The following MACROD2 variants were observed in gnomAD, a reference collection of about 807,000 sequenced individuals.
MACROD2 encodes mono-ADP ribosylhydrolase 2, also known as ADP-ribose glycohydrolase MACROD2.
MACROD2 carries 36 observed loss-of-function variants against 70.4 expected under a neutral mutation model. The observed-to-expected ratio is 0.51, with a 90% confidence interval of 0.39 to 0.68. The LOEUF is 0.68. MACROD2 is among the 30% of genes least tolerant of loss of function. MACROD2 has a pLI of 0.00. For synonymous variants in MACROD2, 172 were observed against 178.8 expected (o/e 0.96, Z 0.30); for missense variants, 496 against 538.4 (o/e 0.92, Z 0.78).
At chr20:14,372,863 G>A (rs1568582494) in intron 3 of MACROD2, among the ~76,000 whole-genome samples, 1 of 152,168 alleles carries the variant, frequency 6.6e-6, no homozygotes, top group Non-Finnish European at 1.5e-5. Context: ...TCTGTTTGCT[G>A]TGTCTTCTTT....
At chr20:14,436,911 T>C (rs1388048447) in intron 3 of MACROD2, among the ~76,000 whole-genome samples, 1 of 152,202 alleles carries the variant, frequency 6.6e-6, no homozygotes, top group African/African-American at 2.4e-5. Flanking sequence ...TAGATCTTAG[T>C]CATTAACTTT....
At chr20:14,792,143 G>A (rs2327889) in intron 5 of MACROD2, among the ~76,000 whole-genome samples, 10,757 of 151,698 alleles carry the variant, frequency 0.071, 497 homozygotes, top group African/African-American at 0.12. Context: ...ATTTAACTTA[G>A]CGAACTGTTT....
intron 3 of MACROD2, among the ~76,000 whole-genome samples, chr20:14,375,151 T>A (rs1166088092): frequency 1.3e-5 from 2 of 152,042 alleles, no homozygotes; most frequent in Non-Finnish European, 2.9e-5. Context: ...CTAGAAAAAT[T>A]CAAATGTTAT....
At chr20:15,601,594 C>T (rs774851257) in intron 8 of MACROD2, among the ~76,000 whole-genome samples, 1 of 152,176 alleles carries the variant, frequency 6.6e-6, no homozygotes, top group Non-Finnish European at 1.5e-5. Context: ...ATCCAGTGAT[C>T]GGTGATCACC....
intron 2 of MACROD2, among the ~76,000 whole-genome samples, chr20:14,072,912 C>T (rs1433428294): frequency 3.5e-5 from 5 of 143,054 alleles, no homozygotes; most frequent in East Asian, 4.1e-4. Flanking sequence ...CCAGCCTGGG[C>T]GACAGAGCGA....
At chr20:14,136,012 A>G (rs1312938403) in intron 3 of MACROD2, among the ~76,000 whole-genome samples, 1 of 152,216 alleles carries the variant, frequency 6.6e-6, no homozygotes, top group East Asian at 1.9e-4. Context: ...AAAAATAAAT[A>G]AAAGGCAGAA....
intron 8 of MACROD2, among the ~76,000 whole-genome samples, chr20:15,676,206 T>C (rs2050055031): frequency 6.6e-6 from 1 of 152,250 alleles, no homozygotes. Flanking sequence ...CTGCATCTTA[T>C]GTGCCTCCAT....
At chr20:14,013,037 G>T (rs992281214) in intron 2 of MACROD2, among the ~76,000 whole-genome samples, 15 of 151,936 alleles carry the variant, frequency 9.9e-5, no homozygotes, top group African/African-American at 3.6e-4. Flanking sequence ...AATAGATTTG[G>T]GTATATTTTA....
At chr20:15,546,978 T>C (rs1018102124) in intron 8 of MACROD2, among the ~76,000 whole-genome samples, 5 of 152,158 alleles carry the variant, frequency 3.3e-5, no homozygotes, top group African/African-American at 1.2e-4. Flanking sequence ...CCATCTCCTT[T>C]AATTAGCAAG....
intron 8 of MACROD2, among the ~76,000 whole-genome samples, chr20:15,814,382 C>T (rs2063851514): frequency 6.6e-6 from 1 of 152,222 alleles, no homozygotes; most frequent in South Asian, 2.1e-4. Flanking sequence ...TATCAATACC[C>T]CAGCTCCCCT....
chr20:14,104,791 A>T (rs552025344), intron 3 of MACROD2, among the ~76,000 whole-genome samples: 18 of 152,268 alleles, frequency 1.2e-4, no homozygotes, highest in African/African-American at 4.3e-4. Flanking sequence ...GAGACTGTAG[A>T]AGAGGGAACC....
At chr20:14,454,492 C>G (rs952315221) in intron 3 of MACROD2, among the ~76,000 whole-genome samples, 2 of 151,474 alleles carry the variant, frequency 1.3e-5, no homozygotes, top group Non-Finnish European at 2.9e-5. Context: ...TTAACAGTGA[C>G]TTACACAAGA....
rs143783080 is a variant in MACROD2 at position 14,563,357 on chromosome 20, C to T, written c.301+69849C>T. Among the ~76,000 whole-genome samples the T allele has an allele frequency of 3.9e-5, 6 of 151,912 alleles. No individual in the cohort carries two copies. In the East Asian group the frequency reaches 7.8e-4, roughly 20 times the overall value. ...AAGGGAATGGAATTTATTTTTAGAT[C>T]TAGAAAAATGTCTTCATTATTTTAA... On this transcript the variant is annotated intron_variant, in intron 4 of 17. Transcript: ENST00000684519.
Position 15,402,448 on chromosome 20 carries a change from C to T in MACROD2, c.541-28957C>T, listed in dbSNP as rs140411615. ...TAAATAATAAAATTGTGAAAAATTT[C>T]TCTACTAATGCTCTGGGAATGTCTT... On this transcript the variant is annotated intron_variant, in intron 6 of 17. Coordinates refer to ENST00000684519, the MANE Select transcript of MACROD2 (RefSeq NM_001351661.2). Among the ~76,000 whole-genome samples, 1,017 of 152,248 alleles carry T rather than the reference C, an allele frequency of 6.7e-3. 8 individuals carry two copies. Among genetic ancestry groups the T allele is most frequent in the South Asian group, 0.051 (248 of 4,824 alleles).
intron 5 of MACROD2, among the ~76,000 whole-genome samples, chr20:14,697,909 C>A (rs2123626604): frequency 6.6e-6 from 1 of 152,262 alleles, no homozygotes; most frequent in East Asian, 1.9e-4. Context: ...GGATTTTTAC[C>A]CTGTTGTTTA....
chr20:14,389,887 T>G (rs1028733833), intron 3 of MACROD2, among the ~76,000 whole-genome samples: 1 of 152,184 alleles, frequency 6.6e-6, no homozygotes, highest in Non-Finnish European at 1.5e-5. Flanking sequence ...AACATAGTAC[T>G]GGAAGTCCTG....
chr20:15,959,865 C>A (rs548147785), intron 12 of MACROD2, among the ~76,000 whole-genome samples: 74 of 151,632 alleles, frequency 4.9e-4, no homozygotes, highest in African/African-American at 1.7e-3. Flanking sequence ...TAAAAAAAAA[C>A]ACTTTAGAAA....
chr20:15,313,970 A>T (rs1311555849), intron 6 of MACROD2, among the ~76,000 whole-genome samples: 1 of 152,110 alleles, frequency 6.6e-6, no homozygotes, highest in Non-Finnish European at 1.5e-5. Context: ...GTCTAATGAG[A>T]TGATATTTGT....
chr20:14,779,289 CTG>C (rs1303183159), intron 5 of MACROD2, among the ~76,000 whole-genome samples: 2 of 152,142 alleles, frequency 1.3e-5, no homozygotes, highest in East Asian at 1.9e-4. Flanking sequence ...CGCTTTCACT[CTG>C]TGTAAAAATT....
Sources: gnomAD v4.1 joint callset for allele counts (sites outside exome capture counted in the v4.1 genomes callset) on GRCh38, gnomAD v4.1.1 for gene constraint, MANE v1.5 for transcripts, NCBI Gene and HGNC (gene_info 2026-07-23, HGNC 2026-07-21) for gene names.